Variants in PAN2 observed in about 807,000 individuals in gnomAD.
PAN2 encodes the protein poly(A) specific ribonuclease subunit PAN2.
PAN2 carries 68 observed loss-of-function variants against 133.3 expected under a neutral mutation model. The ratio of observed to expected loss-of-function variants is 0.51; its 90% CI spans 0.42 to 0.62. PAN2 has a LOEUF of 0.62. Ranked by LOEUF, PAN2 falls within the 20% of genes least tolerant of loss-of-function variation. The probability of loss-of-function intolerance (pLI) is 0.00; values close to 1 mark genes in which losing one functional copy is unlikely to be tolerated. For missense variants in PAN2, 1,042 were observed against 1,500.5 expected (o/e 0.69, Z 5.05); for synonymous variants, 462 against 544.6 (o/e 0.85, Z 2.11).
In PAN2 at chr12:56,319,117, G is replaced by A; in HGVS notation, c.3335C>T (p.Ser1112Phe). The change falls in exon 24 of 26, where the codon TCC becomes TTC. Residue 1112 changes from serine to phenylalanine, a missense_variant. By Grantham distance (155) the Ser-to-Phe change is radical (BLOSUM62 -2). Coordinates refer to ENST00000440411, the MANE Select transcript of PAN2 (RefSeq NM_014871.6). The surrounding 1 kb of genome is among the most constrained non-coding windows in gnomAD (Gnocchi z 5.4). ...LFHMPRKRMI[S>F]LRFLAWYFLD... ...AAAGTACCAAGCAAGGAATCGCAGG[G>A]AAATCATTCGTTTTCGGGGCATATG... 6.2e-7 allele frequency: 1 copy of A among 1,614,120 alleles called. No homozygotes were observed. The highest frequency in any genetic ancestry group is 8.5e-7 in the Non-Finnish European group (1 of 1,180,030).
chr12:56,326,189 A>G (rs1875100553), intron 8 of PAN2, 124 bp downstream of exon 8: 1 of 833,556 alleles, frequency 1.2e-6, no homozygotes, highest in Non-Finnish European at 1.8e-6. Context: ...AACACCTAGC[A>G]TAGTTCCATC....
chr12:56,321,993 A>G (rs1874602316), intron 20 of PAN2, 85 bp downstream of exon 20: 1 of 690,004 alleles, frequency 1.4e-6, no homozygotes, highest in Non-Finnish European at 2.6e-6. Context: ...TACCAATCCT[A>G]AGTACTTGCA....
chr12:56,324,620 C>T lies in PAN2; in HGVS notation c.1689G>A (p.Leu563=), dbSNP rs1487060240. ...CACGAGAGAGGTCCAACATGTGAAA[C>T]AGGAAGCCCAGCTCACATGCCAGAC... is the stretch of plus-strand genomic sequence containing the variant. ...EFCLACELGF[L]FHMLDLSRGD... The change falls in exon 11 of 26, where the codon CTG becomes CTA. Residue 563 remains leucine, a synonymous_variant. Coordinates refer to ENST00000440411, the MANE Select transcript of PAN2 (RefSeq NM_014871.6). The T allele has an allele frequency of 1.2e-6, 2 of 1,614,054 alleles. No individual in the cohort carries two copies. The highest frequency in any genetic ancestry group is 8.5e-7 in the Non-Finnish European group (1 of 1,180,046).
At chr12:56,330,114 A>G (rs1875587840) in intron 2 of PAN2, among the ~76,000 whole-genome samples, 1 of 152,090 alleles carries the variant, frequency 6.6e-6, no homozygotes, top group African/African-American at 2.4e-5. Flanking sequence ...GCACAAGGAT[A>G]AGTTAGAGGC....
At position 56,327,369 on chromosome 12, in the gene PAN2, T is replaced by A; in HGVS notation, c.914A>T (p.Gln305Leu). The A allele has an allele frequency of 1.2e-6, 2 of 1,614,058 alleles. No homozygotes were observed. The highest frequency in any genetic ancestry group is 1.7e-6 in the Non-Finnish European group (2 of 1,179,924). ...ATCCCATATGCCCTTCATACCTGAC[T>A]GAGAGATGATAGCAAGACGAGAAGT... ...TYTSRLAIIS[Q>L]SGQCQFCEPT... is the part of the protein sequence containing the mutation. Residue 305 changes from glutamine (Q) to leucine (L), a missense_variant, in exon 6 of 26, where the codon CAG becomes CTG. By Grantham distance (113) the Gln-to-Leu change is moderately radical. Around this residue, in one of 3 missense-constraint regions of PAN2, gnomAD observed 908 missense variants for 1,223.5 expected, o/e 0.74. Transcript: ENST00000440411.
chr12:56,323,640 G>C, intron 14 of PAN2, 42 bp from the exon 15 acceptor site: 1 of 1,577,360 alleles, frequency 6.3e-7, no homozygotes, highest in Non-Finnish European at 8.7e-7. Flanking sequence ...GGAATGTACA[G>C]GAAAAGGAGT....
intron 2 of PAN2, among the ~76,000 whole-genome samples, chr12:56,329,575 C>T (rs906986853): frequency 6.6e-6 from 1 of 151,826 alleles, no homozygotes; most frequent in Admixed American, 6.6e-5. Flanking sequence ...AGGTGATCCA[C>T]CTGCCTCGGC....
intron 7 of PAN2, 82 bp from the exon 8 acceptor site, chr12:56,326,491 AAG>A (rs1168108999): frequency 2.0e-6 from 3 of 1,512,824 alleles, no homozygotes; most frequent in Non-Finnish European, 2.7e-6. Flanking sequence ...TCCAGAGAAA[AAG>A]AAAATACTGA....
chr12:56,322,384 G>T (rs1187424156), intron 19 of PAN2, 39 bp downstream of exon 19: 5 of 1,522,820 alleles, frequency 3.3e-6, no homozygotes, highest in Non-Finnish European at 4.6e-6. Flanking sequence ...GCTAGGAAAA[G>T]GGGAAATGAA....
chr12:56,323,017 C>G, intron 17 of PAN2, 45 bp downstream of exon 17: 1 of 1,610,520 alleles, frequency 6.2e-7, no homozygotes, highest in Non-Finnish European at 8.5e-7. Flanking sequence ...TTCTGCCCCA[C>G]CTTCTCTCCC....
At chr12:56,322,839 G>C in intron 17 of PAN2, 81 bp from the exon 18 acceptor site, 1 of 1,432,544 alleles carries the variant, frequency 7.0e-7, no homozygotes, top group Non-Finnish European at 9.6e-7. Flanking sequence ...ACAGGGAGTT[G>C]GGGGTATGGG....
In PAN2 at chr12:56,328,575, C is replaced by T. The variant is rs1875379313; in HGVS notation, c.349G>A (p.Asp117Asn). The change falls in exon 3 of 26, where the codon GAT (aspartate) becomes AAT (asparagine). Residue 117 changes from aspartate (D) to asparagine (N), a missense_variant. Asp to Asn is a conservative substitution (Grantham distance 23). Transcript: ENST00000440411. ...AGGCTCTGGATCTGCCGAATATCAT[C>T]ACTGCCATTGACTTGAAAGGATGAG... is the stretch of plus-strand genomic sequence containing the variant. ...RYSSFQVNGS[D>N]DIRQIQSLEN... 4 of 1,614,086 alleles carry T rather than the reference C, an allele frequency of 2.5e-6. No individual in the cohort carries two copies. The African/African-American group carries it at 5.3e-5, about 22-fold the overall frequency.
chr12:56,318,338 G>A lies in PAN2; in HGVS notation c.3461C>T (p.Thr1154Ile), dbSNP rs758823204. ...CACCTTGTGGAAAGACTCAGGCTCA[G>A]TGCCATTTTTGCTTAGCTCCAGATA... Reference protein sequence around the residue: ...RKYLELSKNGTEPESFHKVLK... With the variant: ...RKYLELSKNGIEPESFHKVLK... Residue 1154 changes from threonine (T) to isoleucine (I), a missense_variant, in exon 25 of 26, where the codon ACT becomes ATT. Physicochemically the swap from Thr to Ile is moderately conservative, Grantham distance 89. This residue lies in a region of PAN2 where 85 missense variants were observed against 116.5 expected (regional missense o/e 0.73). Transcript: ENST00000440411. 1.2e-6 allele frequency: 2 copies of A among 1,614,074 alleles called. No individual in the cohort carries two copies. Among genetic ancestry groups the A allele is most frequent in the Non-Finnish European group, 1.7e-6 (2 of 1,179,926 alleles).
At chr12:56,317,772 C>G (rs900349890) in intron 25 of PAN2, 129 bp from the exon 26 acceptor site, 4 of 752,566 alleles carry the variant, frequency 5.3e-6, no homozygotes, top group Non-Finnish European at 9.4e-6. Flanking sequence ...TAGACTTGGG[C>G]AAGAGGAAGT....
In PAN2 at chr12:56,332,601, A is replaced by G. The variant is rs561915529; in HGVS notation, c.282+212T>C. ...GGCGACAGAGCAAGACCCTGTCTCG[A>G]AAAAAAAAAAAAAAAAAAGGGATGC... On this transcript the variant is annotated intron_variant, in intron 2 of 25. Transcript: ENST00000440411. The G allele has an allele frequency of 2.7e-3, 347 of 126,398 alleles. 1 individual carries two copies. In the South Asian group the frequency reaches 0.034, roughly 12 times the overall value. The allele number at this position is 126,398 out of a possible 1,614,324, so 7.8% of individuals were successfully genotyped here.
Position 56,323,298 on chromosome 12 carries a change from A to C in PAN2, c.2345+13T>G, listed in dbSNP as rs756941771. ...CAATTCAATCCTTTGACAACTCCCA[A>C]GACAGCACCTACCAATCAGCCAAAG... On this transcript the variant is annotated intron_variant, in intron 16 of 25. Coordinates refer to ENST00000440411, the MANE Select transcript of PAN2 (RefSeq NM_014871.6). The C allele has an allele frequency of 6.2e-7, 1 of 1,614,148 alleles. No homozygotes were observed. The highest frequency in any genetic ancestry group is 2.2e-5 in the East Asian group (1 of 44,888).
rs1842080712 is a variant in PAN2, at chr12:56,322,666, GC to G, written c.2585del (p.Gly862AlafsTer46). ...VVHILDSRTG[G>X]SLVAHIKVGE... ...CAACTTTGATGTGAGCCACCAGGCT[GC>G]CCCCTGTGCGTGAGTCCAGGATGTG... On this transcript the variant is annotated frameshift_variant, in exon 18 of 26. Coordinates refer to ENST00000440411, the MANE Select transcript of PAN2 (RefSeq NM_014871.6). LOFTEE classifies it high-confidence loss of function. 2 of 1,614,172 alleles carry G rather than the reference GC, an allele frequency of 1.2e-6. No homozygotes were observed. The highest frequency in any genetic ancestry group is 8.5e-7 in the Non-Finnish European group (1 of 1,180,042).
At chr12:56,328,121 A>G (rs760221746) in intron 4 of PAN2, 49 bp from the exon 5 acceptor site, 11 of 1,610,986 alleles carry the variant, frequency 6.8e-6, no homozygotes, top group Non-Finnish European at 9.3e-6. Context: ...TTTTTCCCAC[A>G]GACCAAGGGA....
At chr12:56,321,003 G>A (rs1239633834) in intron 20 of PAN2, among the ~76,000 whole-genome samples, 1 of 148,872 alleles carries the variant, frequency 6.7e-6, no homozygotes, top group Non-Finnish European at 1.5e-5. Context: ...GGTGGAGGTC[G>A]CAGTGAGCCA....
Sources: gnomAD v4.1 joint callset for allele counts (sites outside exome capture counted in the v4.1 genomes callset) on GRCh38, gnomAD v4.1.1 for gene constraint, gnomAD v4.1.1 regional missense constraint, Gnocchi (gnomAD v3.1) non-coding constraint, MANE v1.5 for transcripts, NCBI Gene and HGNC (gene_info 2026-07-23, HGNC 2026-07-21) for gene names.